Variants in CIT observed in about 807,000 individuals in gnomAD.
CIT encodes citron Rho-interacting kinase.
Under a neutral mutation model 272.7 loss-of-function variants are expected in CIT, and 79 were observed. That is an observed-to-expected ratio of 0.29 (90% CI 0.24 to 0.35). CIT has a LOEUF of 0.35. Ranked by LOEUF, CIT falls within the 10% of genes least tolerant of loss-of-function variation. CIT has a pLI of 1.00. For synonymous variants in CIT, 948 were observed against 995.6 expected (o/e 0.95, Z 0.90); for missense variants, 1,909 against 2,618.3 (o/e 0.73, Z 5.91).
chr12:119,753,495 G>A (rs1363641787), intron 22 of CIT, among the ~76,000 whole-genome samples: 2 of 152,150 alleles, frequency 1.3e-5, no homozygotes, highest in Non-Finnish European at 2.9e-5. Flanking sequence ...CCAGCACTTT[G>A]GGAGGCCGAG....
chr12:119,696,368 T>C (rs887156860), intron 46 of CIT, among the ~76,000 whole-genome samples: 1 of 152,216 alleles, frequency 6.6e-6, no homozygotes, highest in East Asian at 1.9e-4. Flanking sequence ...CTCCTGACTC[T>C]TTTGGTTTGA....
chr12:119,750,927 A>G (rs1029856034), intron 23 of CIT, among the ~76,000 whole-genome samples: 1 of 152,152 alleles, frequency 6.6e-6, no homozygotes, highest in Admixed American at 6.5e-5. Flanking sequence ...AAATGGGGAC[A>G]GCATCTAAGT....
At position 119,718,692 on chromosome 12, in the gene CIT, C is replaced by G; in HGVS notation, c.4003+7G>C. On this transcript the variant is annotated splice_region_variant and intron_variant, in intron 31 of 47. Coordinates refer to ENST00000392521, the MANE Select transcript of CIT (RefSeq NM_001206999.2). The surrounding 1 kb of genome is among the most constrained non-coding windows in gnomAD (Gnocchi z 4.8). ...CCTTGAGCATTTTGGAGAGAGTGAG[C>G]CCCTACCTTCCTCCCGGGCGGACCG... 6.2e-7 allele frequency: 1 copy of G among 1,612,664 alleles called. No individual in the cohort carries two copies. The highest frequency in any genetic ancestry group is 1.7e-5 in the Admixed American group (1 of 60,012).
chr12:119,782,802 T>G, intron 12 of CIT, 165 bp from the exon 13 acceptor site: 1 of 716,034 alleles, frequency 1.4e-6, no homozygotes, highest in East Asian at 2.9e-5. Context: ...TTCCATCCTG[T>G]AAAACCCCTT....
chr12:119,705,990 T>C (rs527304773), intron 40 of CIT, among the ~76,000 whole-genome samples: 2 of 148,980 alleles, frequency 1.3e-5, no homozygotes, highest in East Asian at 2.0e-4. Context: ...CTTGGGAGGC[T>C]GAAGAGGGAG....
At position 119,687,592 on chromosome 12, in the gene CIT, A is replaced by G. The variant is rs780292863; in HGVS notation, c.*640T>C. Reference sequence around the variant, plus strand: ...TGAAAACAGTAAACATTTGGCTACGATGTCACCCTGGGGAAAGCAGGGCCA... The same window carrying G: ...TGAAAACAGTAAACATTTGGCTACGGTGTCACCCTGGGGAAAGCAGGGCCA... On this transcript the variant is annotated 3_prime_UTR_variant, in exon 48 of 48. Coordinates refer to ENST00000392521, the MANE Select transcript of CIT (RefSeq NM_001206999.2). 8.5e-5 allele frequency: 13 copies of G among 152,454 alleles called. No individual in the cohort carries two copies. Among genetic ancestry groups the G allele is most frequent in the African/African-American group, 1.2e-4 (5 of 41,376 alleles). 9.4% of individuals were successfully genotyped at this position (152,454 alleles called of 1,614,324 possible).
At chr12:119,824,437 C>T (rs1400823865) in intron 8 of CIT, among the ~76,000 whole-genome samples, 5 of 152,148 alleles carry the variant, frequency 3.3e-5, no homozygotes, top group African/African-American at 1.2e-4. Context: ...CAGTTAACAG[C>T]ACTGAAATCA....
At chr12:119,836,746 C>T (rs978994693) in intron 5 of CIT, among the ~76,000 whole-genome samples, 4 of 152,000 alleles carry the variant, frequency 2.6e-5, no homozygotes, top group African/African-American at 7.3e-5. Context: ...GAAAGTCATA[C>T]GCATAGCAGA....
chr12:119,720,460 TCAAA>T lies in CIT; in HGVS notation c.3840+14_3840+17del. On this transcript the variant is annotated intron_variant, in intron 30 of 47. Transcript: ENST00000392521. ...GAGTGAAACTGACAATTCCCACTTT[TCAAA>T]CACTTTGACTCACCTTTTTCTTTTT... 1 of 1,568,062 alleles carries T rather than the reference TCAAA, an allele frequency of 6.4e-7. No individual in the cohort carries two copies. Among genetic ancestry groups the T allele is most frequent in the Non-Finnish European group, 8.7e-7 (1 of 1,142,912 alleles).
At chr12:119,842,984 AAGG>A (rs1215573363) in intron 5 of CIT, among the ~76,000 whole-genome samples, 1 of 152,176 alleles carries the variant, frequency 6.6e-6, no homozygotes, top group African/African-American at 2.4e-5. Context: ...CCCACTCATA[AAGG>A]AGAAGTACAG....
chr12:119,853,324 C>CAAA (rs199867661), intron 4 of CIT, among the ~76,000 whole-genome samples: 1 of 82,698 alleles, frequency 1.2e-5, no homozygotes, highest in Non-Finnish European at 2.9e-5. Context: ...ACTCTGTCTC[C>CAAA]AAAAAAAAAA....
At position 119,782,606 on chromosome 12, in the gene CIT, A is replaced by C. The variant is rs1284541728; in HGVS notation, c.1577T>G (p.Met526Arg). The change falls in exon 13 of 48, where the codon ATG becomes AGG. Residue 526 changes from methionine (M) to arginine (R), a missense_variant. Met to Arg is a moderately conservative substitution (Grantham distance 91, BLOSUM62 -1). Transcript: ENST00000392521. ...SLKRSLEQARMEVSQEDDKAL... is the reference protein window; with the variant it reads ...SLKRSLEQARREVSQEDDKAL... ...TTTGTCATCCTCCTGGGACACCTCC[A>C]TCCGTGCTTGCTCCAAACTTCGCTT... is the stretch of plus-strand genomic sequence containing the variant. 6.2e-7 allele frequency: 1 copy of C among 1,614,206 alleles called. No homozygotes were observed. Among genetic ancestry groups the C allele is most frequent in the East Asian group, 2.2e-5 (1 of 44,888 alleles).
At chr12:119,705,933 T>C (rs994259702) in intron 40 of CIT, among the ~76,000 whole-genome samples, 6 of 151,428 alleles carry the variant, frequency 4.0e-5, no homozygotes, top group Non-Finnish European at 8.8e-5. Context: ...CTACTAAAAA[T>C]ACAAAAATTG....
Position 119,757,492 on chromosome 12 carries a change from T to G in CIT, c.2585A>C (p.Glu862Ala). The G allele has an allele frequency of 6.2e-7, 1 of 1,614,194 alleles. No homozygotes were observed. Among genetic ancestry groups the G allele is most frequent in the Non-Finnish European group, 8.5e-7 (1 of 1,180,040 alleles). The change falls in exon 22 of 48, where the codon GAG (glutamate) becomes GCG (alanine). Residue 862 changes from glutamate to alanine, a missense_variant. By Grantham distance (107) the Glu-to-Ala change is moderately radical (BLOSUM62 -1). This residue lies in a region of CIT where 530 missense variants were observed against 822.4 expected (regional missense o/e 0.64). Coordinates refer to ENST00000392521, the MANE Select transcript of CIT (RefSeq NM_001206999.2). Reference protein sequence around the residue: ...SELRQQKFYLETQAGKLEAQN... With the variant: ...SELRQQKFYLATQAGKLEAQN... The stretch of plus-strand genomic sequence containing the variant: ...GGCCTCCAACTTCCCAGCCTGTGTC[T>G]CCAGGTAAAATTTCTGTTGCCTGAG...
At chr12:119,856,799 C>T (rs1950184803) in intron 4 of CIT, among the ~76,000 whole-genome samples, 2 of 152,152 alleles carry the variant, frequency 1.3e-5, no homozygotes, top group Admixed American at 1.3e-4. Context: ...TGCATTTTTC[C>T]TCCACTTTCC....
intron 23 of CIT, among the ~76,000 whole-genome samples, chr12:119,746,021 T>C (rs1001541725): frequency 1.3e-5 from 2 of 152,220 alleles, no homozygotes; most frequent in Non-Finnish European, 2.9e-5. Context: ...ATAAGAATAC[T>C]GCTTACCCAA....
At chr12:119,707,571 G>A (rs1043656928) in intron 40 of CIT, among the ~76,000 whole-genome samples, 8 of 151,632 alleles carry the variant, frequency 5.3e-5, no homozygotes, top group Non-Finnish European at 1.0e-4. Context: ...GCGCAATCTC[G>A]GCTCACTGCA....
chr12:119,749,674 T>C (rs2137394308), intron 23 of CIT, among the ~76,000 whole-genome samples: 1 of 152,294 alleles, frequency 6.6e-6, no homozygotes, highest in South Asian at 2.1e-4. Context: ...CATCTTCATC[T>C]GCAAAAGCAA....
intron 3 of CIT, among the ~76,000 whole-genome samples, chr12:119,859,756 G>C (rs1950279953): frequency 6.6e-6 from 1 of 151,990 alleles, no homozygotes; most frequent in Non-Finnish European, 1.5e-5. Context: ...GCAGGTTGTA[G>C]TGAGCAGAGA....
Sources: allele counts gnomAD v4.1 joint callset (sites outside exome capture counted in the v4.1 genomes callset), GRCh38; gene constraint gnomAD v4.1.1; regional missense constraint gnomAD v4.1.1; non-coding constraint Gnocchi (gnomAD v3.1); transcripts MANE v1.5; gene names NCBI Gene and HGNC (gene_info 2026-07-23, HGNC 2026-07-21).